Variants in URGCP observed in about 807,000 individuals in gnomAD.
URGCP encodes upregulator of cell proliferation.
URGCP carries 13 observed loss-of-function variants against 24.6 expected under a neutral mutation model. That is an observed-to-expected ratio of 0.53 (90% CI 0.34 to 0.84). URGCP has a LOEUF of 0.84. Ranked by LOEUF, URGCP falls within the 40% of genes least tolerant of loss-of-function variation. URGCP has a pLI of 0.01. For missense variants in URGCP, 899 were observed against 1,194.3 expected (o/e 0.75, Z 3.64); for synonymous variants, 444 against 487.2 (o/e 0.91, Z 1.17).
chr7:43,924,433 CA>C (rs1349686892), intron 1 of URGCP, among the ~76,000 whole-genome samples: 1 of 152,154 alleles, frequency 6.6e-6, no homozygotes, highest in Non-Finnish European at 1.5e-5. Flanking sequence ...TTTGAGACTT[CA>C]AAACCACCAT....
chr7:43,893,714 T>C (rs983707665), intron 1 of URGCP, among the ~76,000 whole-genome samples: 1 of 151,958 alleles, frequency 6.6e-6, no homozygotes. Flanking sequence ...CTACTAAAAA[T>C]ACAAAAATTA....
At position 43,876,378 on chromosome 7, in the gene URGCP, G is replaced by A. The variant is rs2095844295; in HGVS notation, c.*289C>T. On this transcript the variant is annotated 3_prime_UTR_variant, in exon 6 of 6. Transcript: ENST00000453200. The stretch of plus-strand genomic sequence containing the variant: ...CAGTGACAGAGAGCAGCTATACAGA[G>A]GGCCCACCCCGCAGGATCCTTGACA... 1 of 416,442 alleles carries A rather than the reference G, an allele frequency of 2.4e-6. No homozygotes were observed. Among genetic ancestry groups the A allele is most frequent in the Non-Finnish European group, 4.4e-6 (1 of 227,986 alleles). The allele number at this position is 416,442 out of a possible 1,614,324, so 25.8% of individuals were successfully genotyped here.
upstream of URGCP, chr7:43,926,641 G>A: frequency 7.1e-7 from 1 of 1,405,972 alleles, no homozygotes; most frequent in East Asian, 2.8e-5. Context: ...AGTGAAAGGT[G>A]ACGGAGGCTC....
At chr7:43,920,571 C>G (rs980658231) in intron 1 of URGCP, among the ~76,000 whole-genome samples, 2 of 151,862 alleles carry the variant, frequency 1.3e-5, no homozygotes, top group Non-Finnish European at 2.9e-5. Flanking sequence ...TCAAAAACAA[C>G]AAAAAAAGTG....
Position 43,920,808 on chromosome 7 carries a change from A to C in URGCP, c.-116+5324T>G, listed in dbSNP as rs1050020093. Among the ~76,000 whole-genome samples, 5 of 152,172 alleles carry C rather than the reference A, an allele frequency of 3.3e-5. No homozygotes were observed. In the South Asian group the frequency reaches 8.3e-4, roughly 25 times the overall value. ...ACCTCTGTTTTTCTCATGAAAACCC[A>C]GCAATTAAAAGCAGATAGGTCCCCC... On this transcript the variant is annotated intron_variant, in intron 1 of 5. Coordinates refer to the URGCP transcript ENST00000426198.
intron 1 of URGCP, among the ~76,000 whole-genome samples, chr7:43,918,079 T>C (rs763188356): frequency 1.2e-4 from 18 of 151,778 alleles, no homozygotes; most frequent in Non-Finnish European, 2.6e-4. Context: ...TTCTAGACCA[T>C]CCTGGGCAAC....
intron 1 of URGCP, among the ~76,000 whole-genome samples, chr7:43,922,860 T>A (rs745914072): frequency 6.6e-6 from 1 of 152,130 alleles, no homozygotes; most frequent in African/African-American, 2.4e-5. Context: ...GGATTATAGA[T>A]GTAAGCCACC....
In URGCP at chr7:43,878,626, G is replaced by C; in HGVS notation, c.837C>G (p.Leu279=). The C allele has an allele frequency of 1.9e-6, 3 of 1,613,656 alleles. No individual in the cohort carries two copies. Among genetic ancestry groups the C allele is most frequent in the Non-Finnish European group, 1.7e-6 (2 of 1,180,054 alleles). Reference sequence around the variant, plus strand: ...TGTGGCCCGGGCTGAGGACGGCGTTGAGAAGCTGGGACTTGGAGTTGCTAC... The same window carrying C: ...TGTGGCCCGGGCTGAGGACGGCGTTCAGAAGCTGGGACTTGGAGTTGCTAC... ...DVSSNSKSQL[L]NAVLSPGHRQ... Residue 279 remains leucine, a synonymous_variant, in exon 6 of 6, where the codon CTC becomes CTG. Transcript: ENST00000453200. This position sits in a 1 kb window ranked among gnomAD's most constrained non-coding sequence, Gnocchi z 5.6.
rs1320124791 is a variant in URGCP, at chr7:43,901,727, C to T, written c.14+4835G>A. Among the ~76,000 whole-genome samples, 3 of 152,352 alleles carry T rather than the reference C, an allele frequency of 2.0e-5. No homozygotes were observed. The East Asian group carries it at 5.8e-4, about 29-fold the overall frequency. ...ACCCAGTGTAGAGGGCCTGTGAGCTCTAGGGCTGTGGCCTGGCCCATTCAG... is the reference window on the plus strand; with the variant it reads ...ACCCAGTGTAGAGGGCCTGTGAGCTTTAGGGCTGTGGCCTGGCCCATTCAG... On this transcript the variant is annotated intron_variant, in intron 1 of 5. Coordinates refer to ENST00000453200, the MANE Select transcript of URGCP (RefSeq NM_001077663.3).
intron 1 of URGCP, chr7:43,919,246 A>G: frequency 1.2e-6 from 1 of 831,868 alleles, no homozygotes; most frequent in South Asian, 1.3e-5. Context: ...GTGGTGGTCC[A>G]GCTTTATAAT....
At chr7:43,925,522 CAG>C (rs1484069352) in intron 1 of URGCP, among the ~76,000 whole-genome samples, 1 of 152,032 alleles carries the variant, frequency 6.6e-6, no homozygotes, top group African/African-American at 2.4e-5. Context: ...ATTTTTGAGA[CAG>C]AGTCTCGCTC....
At chr7:43,920,009 C>G in intron 1 of URGCP, 1 of 1,314,282 alleles carries the variant, frequency 7.6e-7, no homozygotes, top group South Asian at 1.2e-5. Context: ...GGATGAGTAC[C>G]ACATGGCCAC....
At chr7:43,904,171 C>G (rs889958039) in intron 1 of URGCP, among the ~76,000 whole-genome samples, 51 of 152,210 alleles carry the variant, frequency 3.4e-4, no homozygotes, top group Non-Finnish European at 1.2e-4. Context: ...GGACCAGGTC[C>G]CATCATCTGG....
In URGCP at chr7:43,906,531, G is replaced by C. The variant is rs567789984; in HGVS notation, c.14+31C>G. ...CGCTCCCGTTCCTGCCGGCAGCCGC[G>C]GGGGCGCAGGGCCTGCGAGGCGGCA... On this transcript the variant is annotated intron_variant, in intron 1 of 5. Transcript: ENST00000453200. 3.3e-6 allele frequency: 4 copies of C among 1,212,422 alleles called. No individual in the cohort carries two copies. In the African/African-American group the frequency reaches 4.8e-5, roughly 15 times the overall value. 75.1% of individuals were successfully genotyped at this position (1,212,422 alleles called of 1,614,324 possible).
At chr7:43,919,831 TG>T in intron 1 of URGCP, 1 of 1,272,394 alleles carries the variant, frequency 7.9e-7, no homozygotes, top group Non-Finnish European at 1.2e-6. Context: ...GGGCGCATGA[TG>T]GCCAACCACA....
intron 1 of URGCP, among the ~76,000 whole-genome samples, chr7:43,924,947 C>CG (rs1562593064): frequency 1.3e-5 from 2 of 151,948 alleles, no homozygotes; most frequent in East Asian, 1.9e-4. Context: ...TTTGTAGAGA[C>CG]GGGGTTTCAC....
chr7:43,880,324 A>AT (rs2095851950), intron 5 of URGCP, among the ~76,000 whole-genome samples: 1 of 152,234 alleles, frequency 6.6e-6, no homozygotes, highest in Admixed American at 6.5e-5. Context: ...CCTATACAAT[A>AT]TAAGATCTTA....
chr7:43,903,463 C>T (rs919117483), intron 1 of URGCP, among the ~76,000 whole-genome samples: 2 of 152,112 alleles, frequency 1.3e-5, no homozygotes, highest in Non-Finnish European at 2.9e-5. Flanking sequence ...ATTTTAAGAT[C>T]GGTGGTCTAT....
chr7:43,898,291 G>T (rs1331189869), intron 1 of URGCP, among the ~76,000 whole-genome samples: 1 of 152,172 alleles, frequency 6.6e-6, no homozygotes, highest in East Asian at 1.9e-4. Context: ...GTAAGCCGGG[G>T]ACATACAAAG....
Sources: allele counts gnomAD v4.1 joint callset (sites outside exome capture counted in the v4.1 genomes callset), GRCh38; gene constraint gnomAD v4.1.1; non-coding constraint Gnocchi (gnomAD v3.1); transcripts MANE v1.5; gene names NCBI Gene and HGNC (gene_info 2026-07-23, HGNC 2026-07-21).